NCKAP5: variants seen among roughly 807,000 people sequenced by gnomAD.
NCKAP5 encodes nck-associated protein 5.
In NCKAP5, 92 loss-of-function variants were observed where a neutral mutation model predicts 167.0. The ratio of observed to expected loss-of-function variants is 0.55; its 90% CI spans 0.47 to 0.66. NCKAP5 has a LOEUF of 0.66. Among genes scored for constraint, NCKAP5 ranks in the 30% least tolerant of loss-of-function variants. The probability of loss-of-function intolerance (pLI) is 0.00; values close to 1 mark genes in which losing one functional copy is unlikely to be tolerated. For missense variants in NCKAP5, 2,378 were observed against 2,315.0 expected, an observed-to-expected ratio of 1.03 and a Z score of -0.56; for synonymous variants, 891 against 877.4, an observed-to-expected ratio of 1.02 and a Z score of -0.27.
chr2:132,814,710 C>T lies in NCKAP5; in HGVS notation c.808-17981G>A, dbSNP rs192072676. Among the ~76,000 whole-genome samples, 31 of 152,280 alleles carry T rather than the reference C, an allele frequency of 2.0e-4. 1 individual carries two copies. The East Asian group carries it at 6.0e-3, about 29-fold the overall frequency. The stretch of plus-strand genomic sequence containing the variant: ...CTCGTCGATTTCCCCAGCAAATCTT[C>T]TGAGTTGACTAAAGATGAGACTGTA... On this transcript the variant is annotated intron_variant, in intron 11 of 19. Transcript: ENST00000409261.
rs73000807 is a variant in NCKAP5 at position 133,140,438 on chromosome 2, T to C, written c.208-10327A>G. ...AACAACAAGTGAATTCTCTGGCTAGTTTCATTTTCATTTCAAACTTTTGGT... is the reference window on the plus strand; with the variant it reads ...AACAACAAGTGAATTCTCTGGCTAGCTTCATTTTCATTTCAAACTTTTGGT... On this transcript the variant is annotated intron_variant, in intron 5 of 19. Coordinates refer to ENST00000409261, the MANE Select transcript of NCKAP5 (RefSeq NM_207363.3). 1.7e-3 allele frequency among the ~76,000 whole-genome samples: 259 copies of C among 152,210 alleles called. 2 individuals are homozygous for C. The highest frequency in any genetic ancestry group is 6.0e-3 in the African/African-American group (251 of 41,532).
At chr2:133,102,137 G>GT (rs5834344) in intron 6 of NCKAP5, among the ~76,000 whole-genome samples, 38,525 of 151,740 alleles carry the variant, frequency 0.25, 5,427 homozygotes, top group Non-Finnish European at 0.32. Flanking sequence ...TTTTTTCTTT[G>GT]TTTTTTTTGT....
chr2:133,659,235 G>A, the NCKAP5 span, among the ~76,000 whole-genome samples: 1 of 152,022 alleles, frequency 6.6e-6, no homozygotes. Flanking sequence ...GAGACATATT[G>A]AGAAATAATG....
At chr2:133,051,055 T>C (rs1389312742) in intron 6 of NCKAP5, among the ~76,000 whole-genome samples, 1 of 152,216 alleles carries the variant, frequency 6.6e-6, no homozygotes, top group Non-Finnish European at 1.5e-5. Flanking sequence ...ATCAGATTAA[T>C]GGATTTTTTT....
chr2:133,099,808 T>G (rs1470637146), intron 6 of NCKAP5, among the ~76,000 whole-genome samples: 3 of 152,228 alleles, frequency 2.0e-5, no homozygotes, highest in Admixed American at 2.0e-4. Context: ...AGAATAGGGG[T>G]TGGCCAAGTA....
At chr2:133,415,585 T>A (rs1689061304) in intron 3 of NCKAP5, among the ~76,000 whole-genome samples, 1 of 152,236 alleles carries the variant, frequency 6.6e-6, no homozygotes, top group Non-Finnish European at 1.5e-5. Flanking sequence ...AGGCTCTGGC[T>A]CTCACTTTGA....
At chr2:133,142,210 T>G (rs1157423588) in intron 5 of NCKAP5, among the ~76,000 whole-genome samples, 3 of 152,146 alleles carry the variant, frequency 2.0e-5, no homozygotes, top group Non-Finnish European at 4.4e-5. Context: ...ATTTAACCCT[T>G]GGTTAACCAC....
the NCKAP5 span, among the ~76,000 whole-genome samples, chr2:133,586,887 C>T: frequency 2.0e-5 from 3 of 152,014 alleles, no homozygotes; most frequent in Middle Eastern, 3.4e-3. Flanking sequence ...AAGGGCATGG[C>T]CAGCAAAAGG....
chr2:132,685,044 T>C (rs530142061), intron 19 of NCKAP5, among the ~76,000 whole-genome samples: 1 of 152,296 alleles, frequency 6.6e-6, no homozygotes, highest in East Asian at 1.9e-4. Flanking sequence ...CCCTTTAAAG[T>C]GTAACCTTTC....
intron 12 of NCKAP5, among the ~76,000 whole-genome samples, chr2:132,791,667 C>A (rs1684080073): frequency 6.6e-6 from 1 of 152,214 alleles, no homozygotes; most frequent in African/African-American, 2.4e-5. Context: ...TTTACTTATA[C>A]AATTTATTGA....
At chr2:133,650,007 T>C in the NCKAP5 span, among the ~76,000 whole-genome samples, 3 of 152,064 alleles carry the variant, frequency 2.0e-5, no homozygotes, top group Admixed American at 6.6e-5. Flanking sequence ...AACTAATAAA[T>C]GAATTTAGTA....
intron 11 of NCKAP5, among the ~76,000 whole-genome samples, chr2:132,826,065 A>G (rs1034010125): frequency 6.6e-6 from 1 of 152,224 alleles, no homozygotes. Context: ...CTTATTTAAA[A>G]GGAGGTAAGA....
chr2:133,370,350 C>T (rs551852821), intron 3 of NCKAP5, among the ~76,000 whole-genome samples: 1 of 152,242 alleles, frequency 6.6e-6, no homozygotes, highest in African/African-American at 2.4e-5. Context: ...ATTGAGTCTT[C>T]ATGTAAAAGT....
intron 3 of NCKAP5, among the ~76,000 whole-genome samples, chr2:133,426,302 T>C (rs1031061390): frequency 4.0e-5 from 6 of 151,316 alleles, no homozygotes; most frequent in African/African-American, 1.5e-4. Flanking sequence ...TAGACATAAA[T>C]ACAACAATGG....
At chr2:133,403,089 G>C (rs535930900) in intron 3 of NCKAP5, among the ~76,000 whole-genome samples, 3 of 152,190 alleles carry the variant, frequency 2.0e-5, no homozygotes, top group African/African-American at 4.8e-5. Flanking sequence ...TTGAGAAAAA[G>C]AAATCATGCC....
chr2:133,093,918 C>T (rs2081267693), intron 6 of NCKAP5, among the ~76,000 whole-genome samples: 1 of 152,142 alleles, frequency 6.6e-6, no homozygotes, highest in Non-Finnish European at 1.5e-5. Context: ...TGGACACTGG[C>T]CTTAGGCCTG....
chr2:132,966,547 C>G (rs560560357), intron 7 of NCKAP5, among the ~76,000 whole-genome samples: 1 of 152,286 alleles, frequency 6.6e-6, no homozygotes, highest in Admixed American at 6.5e-5. Flanking sequence ...TTTTCATGAA[C>G]AGTACACCAA....
chr2:133,516,351 G>A (rs766091733), intron 3 of NCKAP5, among the ~76,000 whole-genome samples: 91 of 152,110 alleles, frequency 6.0e-4, no homozygotes, highest in Non-Finnish European at 1.9e-4. Context: ...AGGTGAGATG[G>A]GGTCAGATCT....
At chr2:132,845,870 G>A (rs1376789741) in intron 11 of NCKAP5, among the ~76,000 whole-genome samples, 5 of 151,988 alleles carry the variant, frequency 3.3e-5, no homozygotes, top group South Asian at 2.1e-4. Context: ...TTGGCTCTGG[G>A]GAATTAACAT....
Sources: allele counts gnomAD v4.1 joint callset (sites outside exome capture counted in the v4.1 genomes callset), GRCh38; gene constraint gnomAD v4.1.1; transcripts MANE v1.5; gene names NCBI Gene and HGNC (gene_info 2026-07-23, HGNC 2026-07-21).